Variants in SERPINE3 observed in about 807,000 individuals in gnomAD.
The protein encoded by SERPINE3 is serpin family E member 3, also known as serpin E3.
SERPINE3 carries 43 observed loss-of-function variants against 41.7 expected under a neutral mutation model. That is an observed-to-expected ratio of 1.03 (90% confidence interval 0.81 to 1.33). SERPINE3 has a LOEUF of 1.33. Ranked by LOEUF, SERPINE3 falls within the 40% of genes most tolerant of loss-of-function variation. SERPINE3 has a pLI of 0.00. For synonymous variants in SERPINE3, 200 were observed against 192.2 expected, an observed-to-expected ratio of 1.04 and a Z score of -0.34; for missense variants, 440 against 491.7, an observed-to-expected ratio of 0.89 and a Z score of 0.99.
Position 51,355,084 on chromosome 13 carries a change from A to G in SERPINE3, c.941A>G (p.Asn314Ser), listed in dbSNP as rs1198068073. 6.4e-7 allele frequency: 1 copy of G among 1,551,454 alleles called. No homozygotes were observed. Among genetic ancestry groups the G allele is most frequent in the Non-Finnish European group, 8.7e-7 (1 of 1,144,700 alleles). ...QNQFNLKSIL[N>S]SWGVTDLFDP... ...CAATTCAACTTAAAAAGCATTTTAA[A>G]TTCTTGGGGAGTCACCGATCTTTTT... is the stretch of plus-strand genomic sequence containing the variant. Residue 314 changes from asparagine (N) to serine (S), a missense_variant, in exon 7 of 10, where the codon AAT becomes AGT. Transcript: ENST00000681248.
intron 4 of SERPINE3, 106 bp downstream of exon 4, chr13:51,344,591 ACAG>A (rs1955327961): frequency 1.2e-6 from 1 of 847,466 alleles, no homozygotes; most frequent in Admixed American, 2.1e-5. Context: ...ACCTTCAATT[ACAG>A]CAGAAGTCTG....
chr13:51,344,625 C>T, intron 4 of SERPINE3, 140 bp downstream of exon 4: 1 of 679,796 alleles, frequency 1.5e-6, no homozygotes, highest in Non-Finnish European at 2.5e-6. Flanking sequence ...AGATCCTACC[C>T]TTGAATGACA....
chr13:51,348,460 A>G (rs1955373274), intron 6 of SERPINE3, 49 bp downstream of exon 6: 1 of 1,541,818 alleles, frequency 6.5e-7, no homozygotes, highest in African/African-American at 1.4e-5. Context: ...AGCAGTCAGA[A>G]GAGCGTGGAT....
chr13:51,341,029 T>C, intron 2 of SERPINE3, 46 bp from the exon 3 acceptor site: 2 of 1,575,480 alleles, frequency 1.3e-6, no homozygotes, highest in Non-Finnish European at 1.7e-6. Flanking sequence ...CCCTCTTTCA[T>C]CACCAGCTTC....
At position 51,348,241 on chromosome 13, in the gene SERPINE3, G is replaced by A; in HGVS notation, c.729G>A (p.Gln243=). 1 of 1,600,496 alleles carries A rather than the reference G, an allele frequency of 6.2e-7. No homozygotes were observed. Among genetic ancestry groups the A allele is most frequent in the South Asian group, 1.1e-5 (1 of 88,202 alleles). Residue 243 remains glutamine, a synonymous_variant, in exon 6 of 10, where the codon CAG becomes CAA. Transcript: ENST00000681248. ...YGQFQDTAGH[Q]VGVLELPYLG... ...AGTTCCAGGACACTGCAGGCCATCA[G>A]GTGGGGGTGCTGGAGCTTCCTTACC...
At chr13:51,345,616 A>AG (rs1955339071) in intron 4 of SERPINE3, among the ~76,000 whole-genome samples, 1 of 150,588 alleles carries the variant, frequency 6.6e-6, no homozygotes. Context: ...AAAAAAAAAA[A>AG]GCAGAATAGG....
Position 51,341,165 on chromosome 13 carries a change from G to A in SERPINE3, c.74G>A (p.Gly25Glu). ...CLRANGHLRE[G>E]MTLLKTEFAL... ...CGAGCAAATGGCCACCTCCGTGAAG[G>A]AATGACATTGCTGAAGACTGAGTTT... The change falls in exon 3 of 10, where the codon GGA becomes GAA. Residue 25 changes from glycine (G) to glutamate (E), a missense_variant. Coordinates refer to ENST00000681248, the MANE Select transcript of SERPINE3 (RefSeq NM_001386375.1). The A allele has an allele frequency of 6.2e-7, 1 of 1,614,042 alleles. No individual in the cohort carries two copies. Among genetic ancestry groups the A allele is most frequent in the Non-Finnish European group, 8.5e-7 (1 of 1,179,902 alleles).
At position 51,364,274 on chromosome 13, in the gene SERPINE3, C is replaced by A; in HGVS notation, c.1207C>A (p.Leu403Ile). 6.8e-7 allele frequency: 1 copy of A among 1,476,692 alleles called. No homozygotes were observed. The highest frequency in any genetic ancestry group is 9.1e-7 in the Non-Finnish European group (1 of 1,100,020). 91.5% of individuals were successfully genotyped at this position (1,476,692 alleles called of 1,614,324 possible). A position where few individuals can be genotyped will look rare whatever the true frequency, so the allele number is the denominator to read the frequency against. The change falls in exon 10 of 10, where the codon CTA (leucine) becomes ATA (isoleucine). Residue 403 changes from leucine to isoleucine, a missense_variant. By Grantham distance (5) the Leu-to-Ile change is conservative. Coordinates refer to ENST00000681248, the MANE Select transcript of SERPINE3 (RefSeq NM_001386375.1). ...VFSIGRVSNP[L>I]D is the part of the protein sequence containing the mutation. ...CAGTATTGGGAGAGTTTCAAATCCC[C>A]TAGACTAAATGCATGTTCTCCACTT...
chr13:51,352,266 G>A (rs888501905), intron 6 of SERPINE3, among the ~76,000 whole-genome samples: 1 of 151,892 alleles, frequency 6.6e-6, no homozygotes, highest in Non-Finnish European at 1.5e-5. Flanking sequence ...TTCCATTTAG[G>A]TCTTTCTTTG....
At chr13:51,344,615 A>T in intron 4 of SERPINE3, 130 bp downstream of exon 4, 1 of 713,462 alleles carries the variant, frequency 1.4e-6, no homozygotes, top group Non-Finnish European at 2.4e-6. Flanking sequence ...TCCTCTTAGG[A>T]GATCCTACCC....
chr13:51,340,801 A>T lies in SERPINE3; in HGVS notation c.-78A>T. ...CTGACCAGGGCTTTGCTAAAGTCACACATCCAGTAAGTGGCCGAAGCAGAT... is the reference window on the plus strand; with the variant it reads ...CTGACCAGGGCTTTGCTAAAGTCACTCATCCAGTAAGTGGCCGAAGCAGAT... On this transcript the variant is annotated 5_prime_UTR_variant, in exon 2 of 10. Coordinates refer to ENST00000681248, the MANE Select transcript of SERPINE3 (RefSeq NM_001386375.1). 1 of 506,048 alleles carries T rather than the reference A, an allele frequency of 2.0e-6. No individual in the cohort carries two copies. Among genetic ancestry groups the T allele is most frequent in the Non-Finnish European group, 3.6e-6 (1 of 280,200 alleles). 31.3% of individuals were successfully genotyped at this position (506,048 alleles called of 1,614,324 possible). A position where few individuals can be genotyped will look rare whatever the true frequency, so the allele number is the denominator to read the frequency against.
chr13:51,342,936 T>C (rs1348741279), intron 3 of SERPINE3, among the ~76,000 whole-genome samples: 1 of 152,196 alleles, frequency 6.6e-6, no homozygotes, highest in Non-Finnish European at 1.5e-5. Flanking sequence ...TCTTTTGCAA[T>C]TGTGGATTCT....
rs1347514116 is a variant in SERPINE3, at chr13:51,341,356, C to T, written c.256+9C>T. ...GGGGTACACTGTCCATGGTAAGAGG[C>T]CTGCCCACGTGCACACTCACTTACC... On this transcript the variant is annotated intron_variant, in intron 3 of 9. Transcript: ENST00000681248. The T allele has an allele frequency of 1.3e-6, 2 of 1,577,198 alleles. No homozygotes were observed. Among genetic ancestry groups the T allele is most frequent in the East Asian group, 2.3e-5 (1 of 43,242 alleles).
At chr13:51,361,668 C>G in intron 8 of SERPINE3, 142 bp from the exon 9 acceptor site, 2 of 706,596 alleles carry the variant, frequency 2.8e-6, no homozygotes, top group South Asian at 4.2e-5. Flanking sequence ...ATTTTCCCAT[C>G]TGCACCCCCA....
rs753435285 is a variant in SERPINE3, at chr13:51,364,270, T to C, written c.1203T>C (p.Asn401=). The C allele has an allele frequency of 6.8e-4, 1,002 of 1,478,978 alleles. No individual in the cohort carries two copies. Among genetic ancestry groups the C allele is most frequent in the Non-Finnish European group, 8.0e-4 (877 of 1,102,300 alleles). The allele number at this position is 1,478,978 out of a possible 1,614,324, so 91.6% of individuals were successfully genotyped here. A position where few individuals can be genotyped will look rare whatever the true frequency, so the allele number is the denominator to read the frequency against. The stretch of plus-strand genomic sequence containing the variant: ...TCTTCAGTATTGGGAGAGTTTCAAA[T>C]CCCCTAGACTAAATGCATGTTCTCC... The part of the protein sequence containing the change: ...GFVFSIGRVS[N]PLD The change falls in exon 10 of 10, where the codon AAT becomes AAC. Residue 401 remains asparagine (N), a synonymous_variant. Transcript: ENST00000681248.
chr13:51,351,605 T>G (rs534197153), intron 6 of SERPINE3, among the ~76,000 whole-genome samples: 2 of 152,254 alleles, frequency 1.3e-5, no homozygotes, highest in Non-Finnish European at 2.9e-5. Flanking sequence ...CTCAATGGTG[T>G]CCTTTGAAGC....
intron 1 of SERPINE3, among the ~76,000 whole-genome samples, 191 bp downstream of exon 1, chr13:51,339,934 AAG>A (rs969743505): frequency 4.0e-5 from 6 of 150,982 alleles, no homozygotes; most frequent in African/African-American, 1.2e-4. Flanking sequence ...CATAGAAAGA[AAG>A]AGAGAGAGAG....
chr13:51,345,377 G>A lies in SERPINE3; in HGVS notation c.490+892G>A, dbSNP rs1294493503. On this transcript the variant is annotated intron_variant, in intron 4 of 9. Coordinates refer to ENST00000681248, the MANE Select transcript of SERPINE3 (RefSeq NM_001386375.1). ...TGGGATGCCAAGGCGGGCAGATCAC[G>A]AGGTCAGGAGTTTGAGACTAGCCTG... Among the ~76,000 whole-genome samples, 6 of 152,026 alleles carry A rather than the reference G, an allele frequency of 3.9e-5. No individual in the cohort carries two copies. The South Asian group carries it at 6.2e-4, about 16-fold the overall frequency.
chr13:51,361,024 GAT>G (rs1460452670), intron 7 of SERPINE3, among the ~76,000 whole-genome samples: 3 of 151,900 alleles, frequency 2.0e-5, no homozygotes, highest in Non-Finnish European at 4.4e-5. Flanking sequence ...TTTTGGGAGC[GAT>G]TACATATTTT....
Sources: gnomAD v4.1 joint callset for allele counts (sites outside exome capture counted in the v4.1 genomes callset) on GRCh38, gnomAD v4.1.1 for gene constraint, MANE v1.5 for transcripts, NCBI Gene and HGNC (gene_info 2026-07-23, HGNC 2026-07-21) for gene names.